SAMTOR: variants seen among roughly 807,000 people sequenced by gnomAD.
The protein encoded by SAMTOR is S-adenosylmethionine sensor upstream of mTORC1.
chr7:112,836,624 A>C, the SAMTOR span, among the ~76,000 whole-genome samples: 1 of 152,020 alleles, frequency 6.6e-6, no homozygotes, highest in Non-Finnish European at 1.5e-5. Flanking sequence ...TTTTTAACTG[A>C]TCTTGAGTTT....
chr7:112,861,298 TATTTCATAGAA>T, the SAMTOR span, among the ~76,000 whole-genome samples: 37 of 152,336 alleles, frequency 2.4e-4, no homozygotes, highest in African/African-American at 8.4e-4. Context: ...ATACATTTTA[TATTTCATAGAA>T]ATTTCTTATG....
chr7:112,912,585 G>A, the SAMTOR span, among the ~76,000 whole-genome samples: 1 of 151,600 alleles, frequency 6.6e-6, no homozygotes, highest in Admixed American at 6.6e-5. Context: ...TATAACTCAA[G>A]TTTCAAAACA....
At chr7:112,899,478 AAAGAGG>A in the SAMTOR span, among the ~76,000 whole-genome samples, 1 of 152,140 alleles carries the variant, frequency 6.6e-6, no homozygotes, top group African/African-American at 2.4e-5. Context: ...TATTGGCCTT[AAAGAGG>A]AAGTACAGAG....
the SAMTOR span, among the ~76,000 whole-genome samples, chr7:112,931,550 G>T: frequency 3.0e-4 from 45 of 152,264 alleles, no homozygotes; most frequent in Admixed American, 2.8e-3. Flanking sequence ...CTTCACAGGT[G>T]GGTCTATGAC....
At chr7:112,875,173 T>TCA in the SAMTOR span, among the ~76,000 whole-genome samples, 2 of 152,110 alleles carry the variant, frequency 1.3e-5, no homozygotes, top group African/African-American at 4.8e-5. Flanking sequence ...AGCCCCCAGC[T>TCA]CAGAGGGGCA....
the SAMTOR span, among the ~76,000 whole-genome samples, chr7:112,936,837 T>C: frequency 1.3e-5 from 2 of 152,156 alleles, no homozygotes; most frequent in Non-Finnish European, 2.9e-5. Flanking sequence ...GGATCATCCA[T>C]TCCCATCAAT....
chr7:112,913,066 G>C, the SAMTOR span, among the ~76,000 whole-genome samples: 6 of 152,160 alleles, frequency 3.9e-5, no homozygotes, highest in African/African-American at 1.4e-4. Flanking sequence ...TGGTTCAGTA[G>C]TATGCCTCAT....
At chr7:112,891,951 T>C in the SAMTOR span, among the ~76,000 whole-genome samples, 48 of 152,242 alleles carry the variant, frequency 3.2e-4, no homozygotes, top group African/African-American at 1.1e-3. Flanking sequence ...TGGCTGTACC[T>C]ATCATGAATG....
the SAMTOR span, among the ~76,000 whole-genome samples, chr7:112,916,818 C>T: frequency 1.3e-4 from 20 of 152,330 alleles, no homozygotes; most frequent in East Asian, 5.8e-4. Context: ...GAGGGTCCTA[C>T]GCCCACAGAG....
At chr7:112,930,918 A>G in the SAMTOR span, among the ~76,000 whole-genome samples, 7 of 152,234 alleles carry the variant, frequency 4.6e-5, no homozygotes, top group Non-Finnish European at 8.8e-5. Context: ...GCTTCTCTTC[A>G]TAAGTTTTTA....
At chr7:112,883,734 T>C in the SAMTOR span, among the ~76,000 whole-genome samples, 1 of 152,220 alleles carries the variant, frequency 6.6e-6, no homozygotes, top group African/African-American at 2.4e-5. Flanking sequence ...ATGACATGCA[T>C]GCCATACTTC....
At chr7:112,897,246 T>C in the SAMTOR span, among the ~76,000 whole-genome samples, 2 of 152,180 alleles carry the variant, frequency 1.3e-5, no homozygotes, top group Non-Finnish European at 2.9e-5. Context: ...GGTGGTTACA[T>C]AAGTGTAAAC....
chr7:112,930,770 A>G, the SAMTOR span, among the ~76,000 whole-genome samples: 1 of 152,238 alleles, frequency 6.6e-6, no homozygotes, highest in Non-Finnish European at 1.5e-5. Flanking sequence ...TCATTTAATT[A>G]TAATACCAAT....
At chr7:112,908,052 T>C in the SAMTOR span, among the ~76,000 whole-genome samples, 1 of 152,280 alleles carries the variant, frequency 6.6e-6, no homozygotes, top group East Asian at 1.9e-4. Flanking sequence ...ACAGCACTAT[T>C]TGTAGTAGCA....
the SAMTOR span, among the ~76,000 whole-genome samples, chr7:112,866,540 G>A: frequency 6.6e-6 from 1 of 152,216 alleles, no homozygotes; most frequent in African/African-American, 2.4e-5. Context: ...AGCCAGGGAA[G>A]GAAGGGCGTG....
chr7:112,906,101 T>C, the SAMTOR span, among the ~76,000 whole-genome samples: 3 of 152,144 alleles, frequency 2.0e-5, no homozygotes, highest in Admixed American at 1.3e-4. Context: ...TGTTAGAATA[T>C]AGTCATGTGT....
At chr7:112,907,842 C>CTTACTTCT in the SAMTOR span, among the ~76,000 whole-genome samples, 1 of 146,346 alleles carries the variant, frequency 6.8e-6, no homozygotes, top group East Asian at 2.0e-4. Context: ...TTCTTACTTA[C>CTTACTTCT]TTATTTATTT....
the SAMTOR span, among the ~76,000 whole-genome samples, chr7:112,848,309 C>T: frequency 6.6e-6 from 1 of 152,052 alleles, no homozygotes; most frequent in Non-Finnish European, 1.5e-5. Context: ...AATTCAAGTA[C>T]CTTTAGCATC....
chr7:112,893,888 C>A, the SAMTOR span, among the ~76,000 whole-genome samples: 2 of 152,282 alleles, frequency 1.3e-5, no homozygotes, highest in Admixed American at 6.5e-5. Context: ...GGCGACAGAG[C>A]GAGACTCCGT....
Sources: gnomAD v4.1 joint callset for allele counts (sites outside exome capture counted in the v4.1 genomes callset) on GRCh38, gnomAD v4.1.1 for gene constraint, MANE v1.5 for transcripts, NCBI Gene and HGNC (gene_info 2026-07-23, HGNC 2026-07-21) for gene names.